The following MYL9 variants were observed in gnomAD, a reference collection of about 807,000 sequenced individuals.
MYL9 encodes myosin regulatory light polypeptide 9.
A neutral mutation model predicts 12.8 loss-of-function variants in MYL9; 7 were observed. The ratio of observed to expected loss-of-function variants is 0.55; its 90% confidence interval spans 0.31 to 1.03. The LOEUF (loss-of-function observed/expected upper bound fraction) is 1.03, where lower values mean the gene tolerates loss of function less well. MYL9 is among the 50% of genes least tolerant of loss of function. The pLI, the probability that MYL9 is intolerant of heterozygous loss-of-function variation, is 0.05. For missense variants in MYL9, 190 were observed against 242.7 expected (o/e 0.78, Z 1.44); for synonymous variants, 81 against 87.8 (o/e 0.92, Z 0.43).
Position 36,549,546 on chromosome 20 carries a change from G to A in MYL9, c.*297G>A, listed in dbSNP as rs1378767189. ...AGGCACCAAGGGAAGGCCCCATTCC[G>A]GGGCTGTTCCCCGAGGAGGAAGGGA... On this transcript the variant is annotated 3_prime_UTR_variant, in exon 4 of 4. Transcript: ENST00000279022. 2.3e-5 allele frequency: 7 copies of A among 306,636 alleles called. No homozygotes were observed. The highest frequency in any genetic ancestry group is 6.1e-5 in the East Asian group (1 of 16,406). 19.0% of individuals were successfully genotyped at this position (306,636 alleles called of 1,614,324 possible). A position where few individuals can be genotyped will look rare whatever the true frequency, so the allele number is the denominator to read the frequency against.
At position 36,548,064 on chromosome 20, in the gene MYL9, A is replaced by C. The variant is rs776042837; in HGVS notation, c.217A>C (p.Met73Leu). The C allele has an allele frequency of 1.2e-6, 2 of 1,613,398 alleles. No individual in the cohort carries two copies. The highest frequency in any genetic ancestry group is 8.5e-7 in the Non-Finnish European group (1 of 1,179,550). Residue 73 changes from methionine to leucine, a missense_variant, in exon 3 of 4, where the codon ATG becomes CTG. Transcript: ENST00000279022. ...CCCCACAGACGAATACCTGGAGGGCATGATGAGCGAGGCCCCGGGGCCCAT... is the reference window on the plus strand; with the variant it reads ...CCCCACAGACGAATACCTGGAGGGCCTGATGAGCGAGGCCCCGGGGCCCAT... ...KNPTDEYLEG[M>L]MSEAPGPINF... is the part of the protein sequence containing the mutation.
chr20:36,549,135 A>G lies in MYL9; in HGVS notation c.405A>G (p.Thr135=), dbSNP rs1425740051. ...ELLTTMGDRF[T]DEEVDEMYRE... ...TCACCACCATGGGTGACCGCTTCAC[A>G]GATGAGGAAGTGGACGAGATGTACC... is the stretch of plus-strand genomic sequence containing the variant. Residue 135 remains threonine (T), a synonymous_variant, in exon 4 of 4, where the codon ACA becomes ACG. Transcript: ENST00000279022. 1 of 1,613,816 alleles carries G rather than the reference A, an allele frequency of 6.2e-7. No individual in the cohort carries two copies. The highest frequency in any genetic ancestry group is 8.5e-7 in the Non-Finnish European group (1 of 1,179,994).
intron 2 of MYL9, among the ~76,000 whole-genome samples, chr20:36,547,165 A>G (rs527452642): frequency 1.1e-3 from 172 of 152,248 alleles, no homozygotes; most frequent in African/African-American, 4.1e-3. Flanking sequence ...AAAAACATGC[A>G]CTGTGTTTGT....
At chr20:36,542,098 C>T (rs1413745517) in intron 1 of MYL9, among the ~76,000 whole-genome samples, 1 of 152,152 alleles carries the variant, frequency 6.6e-6, no homozygotes, top group African/African-American at 2.4e-5. Flanking sequence ...TCCGACACAG[C>T]CAGTGCTGTA....
chr20:36,543,621 A>G (rs2147894699), intron 1 of MYL9, among the ~76,000 whole-genome samples: 1 of 152,366 alleles, frequency 6.6e-6, no homozygotes, highest in South Asian at 2.1e-4. Flanking sequence ...TCTGTACAGT[A>G]GAAGCAGCAG....
intron 2 of MYL9, among the ~76,000 whole-genome samples, chr20:36,545,738 G>A (rs563834337): frequency 1.3e-5 from 2 of 152,114 alleles, no homozygotes; most frequent in East Asian, 3.9e-4. Context: ...AGATCATCCT[G>A]GCTAACATGG....
chr20:36,549,675 T>C lies in MYL9; in HGVS notation c.*426T>C. ...AATGCAAGCTCACCAAGGTCCCCTC[T>C]CAGTCCCCTTCCCTACACCCTGACC... On this transcript the variant is annotated 3_prime_UTR_variant, in exon 4 of 4. Transcript: ENST00000279022. The C allele has an allele frequency of 5.6e-6, 1 of 178,830 alleles. No homozygotes were observed. 11.1% of individuals were successfully genotyped at this position (178,830 alleles called of 1,614,324 possible).
chr20:36,543,800 G>A (rs2038063566), intron 1 of MYL9, among the ~76,000 whole-genome samples: 1 of 152,168 alleles, frequency 6.6e-6, no homozygotes. Flanking sequence ...CCTAGGAGAG[G>A]GGGGCGGTCT....
Position 36,548,062 on chromosome 20 carries a change from G to T in MYL9, c.215G>T (p.Gly72Val). ...AACCCCACAGACGAATACCTGGAGG[G>T]CATGATGAGCGAGGCCCCGGGGCCC... The part of the protein sequence containing the change: ...GKNPTDEYLE[G>V]MMSEAPGPIN... The change falls in exon 3 of 4, where the codon GGC (glycine) becomes GTC (valine). Residue 72 changes from glycine to valine, a missense_variant. Gly to Val is a moderately radical substitution (Grantham distance 109). Coordinates refer to ENST00000279022, the MANE Select transcript of MYL9 (RefSeq NM_006097.5). 1 of 1,613,140 alleles carries T rather than the reference G, an allele frequency of 6.2e-7. No homozygotes were observed. The highest frequency in any genetic ancestry group is 8.5e-7 in the Non-Finnish European group (1 of 1,179,422).
In MYL9 at chr20:36,549,648, C is replaced by T. The variant is rs1374124678; in HGVS notation, c.*399C>T. The T allele has an allele frequency of 1.6e-5, 3 of 184,680 alleles. No individual in the cohort carries two copies. Among genetic ancestry groups the T allele is most frequent in the African/African-American group, 7.1e-5 (3 of 42,404 alleles). 11.4% of individuals were successfully genotyped at this position (184,680 alleles called of 1,614,324 possible). On this transcript the variant is annotated 3_prime_UTR_variant, in exon 4 of 4. Transcript: ENST00000279022. ...ACACCCCTTCACGTGTATCCCCACACAAATGCAAGCTCACCAAGGTCCCCT... is the reference window on the plus strand; with the variant it reads ...ACACCCCTTCACGTGTATCCCCACATAAATGCAAGCTCACCAAGGTCCCCT...
At chr20:36,541,959 A>C (rs971139092) in intron 1 of MYL9, among the ~76,000 whole-genome samples, 1 of 151,918 alleles carries the variant, frequency 6.6e-6, no homozygotes, top group African/African-American at 2.4e-5. Flanking sequence ...TGGCCCAGTA[A>C]AGGCATGTGT....
At chr20:36,546,707 T>C (rs2038104929) in intron 2 of MYL9, among the ~76,000 whole-genome samples, 1 of 151,716 alleles carries the variant, frequency 6.6e-6, no homozygotes, top group African/African-American at 2.4e-5. Flanking sequence ...TCTCCCAGGT[T>C]CAAGAGATTC....
At chr20:36,542,744 C>G (rs6100209) in intron 1 of MYL9, among the ~76,000 whole-genome samples, 10,022 of 152,294 alleles carry the variant, frequency 0.066, 1,162 homozygotes, top group African/African-American at 0.23. Context: ...TCTGGGGCCT[C>G]TTTTCCTAGC....
At chr20:36,542,939 C>T (rs753069746) in intron 1 of MYL9, among the ~76,000 whole-genome samples, 2 of 152,202 alleles carry the variant, frequency 1.3e-5, no homozygotes, top group Non-Finnish European at 2.9e-5. Flanking sequence ...GTGGCCTGGC[C>T]ATGCCTGCCC....
At chr20:36,546,392 T>C (rs957816247) in intron 2 of MYL9, among the ~76,000 whole-genome samples, 10 of 152,142 alleles carry the variant, frequency 6.6e-5, no homozygotes, top group African/African-American at 2.2e-4. Flanking sequence ...AGAGAGTCAG[T>C]CCCTGGTAGG....
chr20:36,546,378 G>C (rs762832894), intron 2 of MYL9, among the ~76,000 whole-genome samples: 1 of 152,160 alleles, frequency 6.6e-6, no homozygotes, highest in Admixed American at 6.5e-5. Context: ...CGAGCTTTGA[G>C]GCCAGAGAGT....
At chr20:36,543,144 C>A (rs2038056284) in intron 1 of MYL9, among the ~76,000 whole-genome samples, 1 of 152,224 alleles carries the variant, frequency 6.6e-6, no homozygotes, top group East Asian at 1.9e-4. Flanking sequence ...CAATGGCACT[C>A]CCAACTAGGT....
At chr20:36,548,874 C>T (rs961662982) in intron 3 of MYL9, among the ~76,000 whole-genome samples, 9 of 152,170 alleles carry the variant, frequency 5.9e-5, no homozygotes, top group Non-Finnish European at 1.2e-4. Context: ...CCTGGCACCC[C>T]TTCACGTGGG....
At position 36,550,211 on chromosome 20, in the gene MYL9, A is replaced by T. The variant is rs906036412; in HGVS notation, c.*962A>T. Reference sequence around the variant, plus strand: ...GGTTCCAGAAGAACAGGGAGGCTCCAACAGTGATGAGGCAGGCGTCCCAGC... The same window carrying T: ...GGTTCCAGAAGAACAGGGAGGCTCCTACAGTGATGAGGCAGGCGTCCCAGC... On this transcript the variant is annotated 3_prime_UTR_variant, in exon 4 of 4. Transcript: ENST00000279022. The T allele has an allele frequency of 1.3e-5, 2 of 152,458 alleles. No individual in the cohort carries two copies. Among genetic ancestry groups the T allele is most frequent in the African/African-American group, 4.8e-5 (2 of 41,438 alleles). 9.4% of individuals were successfully genotyped at this position (152,458 alleles called of 1,614,324 possible).
Sources: gnomAD v4.1 joint callset for allele counts (sites outside exome capture counted in the v4.1 genomes callset) on GRCh38, gnomAD v4.1.1 for gene constraint, MANE v1.5 for transcripts, NCBI Gene and HGNC (gene_info 2026-07-23, HGNC 2026-07-21) for gene names.